Variants in PPP3CA observed in about 807,000 individuals in gnomAD.
PPP3CA encodes the protein CAM-PRP catalytic subunit.
PPP3CA carries 14 observed loss-of-function variants against 66.5 expected under a neutral mutation model. That is an observed-to-expected ratio of 0.21 (90% CI 0.14 to 0.33). The LOEUF is 0.33. PPP3CA is among the 10% of genes least tolerant of loss of function. The pLI, the probability that PPP3CA is intolerant of heterozygous loss-of-function variation, is 1.00. For synonymous variants in PPP3CA, 232 were observed against 226.2 expected, an observed-to-expected ratio of 1.03 and a Z score of -0.23; for missense variants, 317 against 639.5, an observed-to-expected ratio of 0.50 and a Z score of 5.44.
At chr4:101,115,908 C>A (rs1293897943) in intron 2 of PPP3CA, among the ~76,000 whole-genome samples, 1 of 151,780 alleles carries the variant, frequency 6.6e-6, no homozygotes, top group East Asian at 1.9e-4. Flanking sequence ...ATTAGGTTGT[C>A]TGGGGACAGA....
chr4:101,294,874 A>G (rs1728149081), intron 1 of PPP3CA, among the ~76,000 whole-genome samples: 1 of 152,192 alleles, frequency 6.6e-6, no homozygotes, highest in African/African-American at 2.4e-5. Context: ...CTAAAAAAAA[A>G]AAATTAAAAT....
chr4:101,027,877 G>A (rs1008954878), intron 13 of PPP3CA, among the ~76,000 whole-genome samples: 1 of 152,124 alleles, frequency 6.6e-6, no homozygotes, highest in Admixed American at 6.6e-5. Flanking sequence ...TGCTGTAGTT[G>A]CTGGTCAGAC....
At chr4:101,328,977 C>T (rs957630272) in intron 1 of PPP3CA, among the ~76,000 whole-genome samples, 2 of 151,894 alleles carry the variant, frequency 1.3e-5, no homozygotes, top group African/African-American at 4.8e-5. Context: ...GAAAATGAGG[C>T]TTATTAATAA....
In PPP3CA at chr4:101,346,891, G is replaced by GCCA; in HGVS notation, c.-96_-95insTGG. On this transcript the variant is annotated 5_prime_UTR_variant, in exon 1 of 14. Coordinates refer to ENST00000394854, the MANE Select transcript of PPP3CA (RefSeq NM_000944.5). ...CCAGACACTCAACGCCGCCGCCGCC[G>GCCA]CCGCCGCCGCCGCGCTGCAAACCGC... The GCCA allele has an allele frequency of 7.1e-7, 1 of 1,406,386 alleles. No homozygotes were observed. The highest frequency in any genetic ancestry group is 9.8e-7 in the Non-Finnish European group (1 of 1,023,276). The allele number at this position is 1,406,386 out of a possible 1,614,324, so 87.1% of individuals were successfully genotyped here.
intron 1 of PPP3CA, among the ~76,000 whole-genome samples, chr4:101,284,654 C>CA: frequency 6.6e-6 from 1 of 152,116 alleles, no homozygotes; most frequent in East Asian, 1.9e-4. Flanking sequence ...TCCCCACCCC[C>CA]ATGTCTTTTT....
chr4:101,132,078 A>G (rs1722461389), intron 2 of PPP3CA, among the ~76,000 whole-genome samples: 1 of 152,228 alleles, frequency 6.6e-6, no homozygotes. Context: ...ACAATGTACC[A>G]GATTCTCTGG....
At chr4:101,284,070 T>C (rs1268950887) in intron 1 of PPP3CA, among the ~76,000 whole-genome samples, 3 of 152,138 alleles carry the variant, frequency 2.0e-5, no homozygotes, top group Non-Finnish European at 4.4e-5. Flanking sequence ...TCTCTAAACA[T>C]TTTCCTCATC....
intron 3 of PPP3CA, among the ~76,000 whole-genome samples, chr4:101,105,606 TAAAG>T (rs1189183663): frequency 6.6e-6 from 1 of 151,038 alleles, no homozygotes; most frequent in Non-Finnish European, 1.5e-5. Context: ...AAAAGGTAAA[TAAAG>T]AACAATAAGA....
chr4:101,024,615 A>C lies in PPP3CA; in HGVS notation c.*1250T>G, dbSNP rs934187452. 6.5e-6 allele frequency: 1 copy of C among 152,672 alleles called. No individual in the cohort carries two copies. Among genetic ancestry groups the C allele is most frequent in the Non-Finnish European group, 1.5e-5 (1 of 68,042 alleles). The allele number at this position is 152,672 out of a possible 1,614,324, so 9.5% of individuals were successfully genotyped here. On this transcript the variant is annotated 3_prime_UTR_variant, in exon 14 of 14. Transcript: ENST00000394854. ...CATGACAGAACAGAACAAAATAACT[A>C]AACTGTTATGACATTAACAGTTGCC...
Position 101,176,006 on chromosome 4 carries a change from G to A in PPP3CA, c.259+19910C>T, listed in dbSNP as rs140855842. Among the ~76,000 whole-genome samples, 157 of 152,142 alleles carry A rather than the reference G, an allele frequency of 1.0e-3. 2 individuals are homozygous for A. In the East Asian group the frequency reaches 0.026, roughly 25 times the overall value. ...TGAAGACATTTAAAAATAATTACGG[G>A]AGAAGATGAGGGAAACTTTCCCAGC... On this transcript the variant is annotated intron_variant, in intron 2 of 13. Coordinates refer to ENST00000394854, the MANE Select transcript of PPP3CA (RefSeq NM_000944.5).
At chr4:101,215,439 T>C (rs1578561500) in intron 1 of PPP3CA, among the ~76,000 whole-genome samples, 1 of 152,018 alleles carries the variant, frequency 6.6e-6, no homozygotes, top group East Asian at 1.9e-4. Flanking sequence ...TCCCAATTCC[T>C]CATTTCTAAT....
chr4:101,188,550 T>C lies in PPP3CA; in HGVS notation c.259+7366A>G, dbSNP rs75453709. ...TCATATGATGAACGCGATCTAAAAA[T>C]GTAACTTCTTAAGACTTTGTTATCT... On this transcript the variant is annotated intron_variant, in intron 2 of 13. Coordinates refer to ENST00000394854, the MANE Select transcript of PPP3CA (RefSeq NM_000944.5). Among the ~76,000 whole-genome samples, 581 of 152,278 alleles carry C rather than the reference T, an allele frequency of 3.8e-3. 5 individuals are homozygous for C. Among genetic ancestry groups the C allele is most frequent in the African/African-American group, 0.013 (545 of 41,584 alleles).
At chr4:101,222,027 GAATTT>G (rs1194217233) in intron 1 of PPP3CA, among the ~76,000 whole-genome samples, 1 of 151,392 alleles carries the variant, frequency 6.6e-6, no homozygotes, top group African/African-American at 2.4e-5. Context: ...ACGATCTATT[GAATTT>G]TTCTTATTAC....
chr4:101,241,041 AT>A (rs1726290473), intron 1 of PPP3CA, among the ~76,000 whole-genome samples: 2 of 151,788 alleles, frequency 1.3e-5, no homozygotes, highest in African/African-American at 4.8e-5. Flanking sequence ...CTAATTTTTA[AT>A]TTTTTGTAGA....
intron 1 of PPP3CA, among the ~76,000 whole-genome samples, chr4:101,324,224 A>AAG (rs1729142112): frequency 3.7e-5 from 4 of 108,236 alleles, no homozygotes; most frequent in Non-Finnish European, 7.9e-5. Flanking sequence ...AAGGAAGGAA[A>AAG]GGAGGGAAGG....
At chr4:101,052,520 C>A (rs1195277043) in intron 10 of PPP3CA, among the ~76,000 whole-genome samples, 1 of 151,226 alleles carries the variant, frequency 6.6e-6, no homozygotes, top group Non-Finnish European at 1.5e-5. Flanking sequence ...CTTATAAAGA[C>A]AAACGATTTA....
intron 7 of PPP3CA, 34 bp from the exon 8 acceptor site, chr4:101,080,660 G>T (rs769652106): frequency 7.8e-7 from 1 of 1,284,288 alleles, no homozygotes; most frequent in Non-Finnish European, 1.1e-6. Context: ...AACAAAGCTT[G>T]TATGGAAAAA....
intron 3 of PPP3CA, among the ~76,000 whole-genome samples, chr4:101,100,412 T>C (rs1730390858): frequency 6.6e-6 from 1 of 152,138 alleles, no homozygotes; most frequent in South Asian, 2.1e-4. Context: ...TACTTATTAA[T>C]CATTAATCAT....
At chr4:101,163,674 G>A (rs1376933973) in intron 2 of PPP3CA, among the ~76,000 whole-genome samples, 1 of 152,128 alleles carries the variant, frequency 6.6e-6, no homozygotes. Flanking sequence ...GGTTATGGAA[G>A]CACAGCAGTA....
Sources: gnomAD v4.1 joint callset for allele counts (sites outside exome capture counted in the v4.1 genomes callset) on GRCh38, gnomAD v4.1.1 for gene constraint, MANE v1.5 for transcripts, NCBI Gene and HGNC (gene_info 2026-07-23, HGNC 2026-07-21) for gene names.